Variants in DPYD observed in about 807,000 individuals in gnomAD.
The protein encoded by DPYD is dihydropyrimidine dehydrogenase, also known as dihydropyrimidine dehydrogenase [NADP(+)].
In DPYD, 109 loss-of-function variants were observed where a neutral mutation model predicts 116.2. The ratio of observed to expected loss-of-function variants is 0.94; its 90% CI spans 0.80 to 1.10. The LOEUF is 1.10. Ranked by LOEUF, DPYD falls within the 50% of genes least tolerant of loss-of-function variation. The pLI is 0.00. For missense variants in DPYD, 1,302 were observed against 1,254.5 expected, an observed-to-expected ratio of 1.04 and a Z score of -0.57; for synonymous variants, 440 against 432.0, an observed-to-expected ratio of 1.02 and a Z score of -0.23.
chr1:97,149,072 T>C (rs889945444), intron 20 of DPYD, among the ~76,000 whole-genome samples: 25 of 152,186 alleles, frequency 1.6e-4, no homozygotes, highest in Non-Finnish European at 3.2e-4. Flanking sequence ...TAACAGAAGA[T>C]GACAAAAATT....
chr1:97,116,950 A>G lies in DPYD; in HGVS notation c.2623-18318T>C, dbSNP rs536176280. 1.2e-4 allele frequency among the ~76,000 whole-genome samples: 18 copies of G among 149,970 alleles called. No individual in the cohort carries two copies. The Admixed American group carries it at 1.2e-3, about 10-fold the overall frequency. On this transcript the variant is annotated intron_variant, in intron 20 of 22. Coordinates refer to ENST00000370192, the MANE Select transcript of DPYD (RefSeq NM_000110.4). ...GATCACCTGAGGTCAGGAGTTCGAG[A>G]CCAGCCTAGCCAACATGGCGAAACC...
At chr1:97,898,569 T>C (rs1673198943) in intron 1 of DPYD, among the ~76,000 whole-genome samples, 1 of 152,018 alleles carries the variant, frequency 6.6e-6, no homozygotes, top group African/African-American at 2.4e-5. Context: ...TCATATATTT[T>C]GTTTCTTTTT....
chr1:97,638,890 A>G lies in DPYD; in HGVS notation c.850+40205T>C, dbSNP rs1657721477. ...TCCCATGATTCAAACACCTCCCACTAAGCCCCAACTCTAACAATGAGGACC... is the reference window on the plus strand; with the variant it reads ...TCCCATGATTCAAACACCTCCCACTGAGCCCCAACTCTAACAATGAGGACC... On this transcript the variant is annotated intron_variant, in intron 8 of 22. Transcript: ENST00000370192. Among the ~76,000 whole-genome samples, 3 of 152,270 alleles carry G rather than the reference A, an allele frequency of 2.0e-5. No homozygotes were observed. The South Asian group carries it at 6.2e-4, about 32-fold the overall frequency.
intron 8 of DPYD, among the ~76,000 whole-genome samples, chr1:97,632,923 G>A (rs1466571042): frequency 6.6e-6 from 1 of 152,024 alleles, no homozygotes; most frequent in African/African-American, 2.4e-5. Context: ...AGAGCCTAAA[G>A]ATAGAGCCAA....
At chr1:97,910,905 C>T (rs139027552) in intron 1 of DPYD, among the ~76,000 whole-genome samples, 2,869 of 151,878 alleles carry the variant, frequency 0.019, 33 homozygotes, top group Non-Finnish European at 0.029. Context: ...TATTTGTATT[C>T]TTATTTACAT....
intron 19 of DPYD, among the ~76,000 whole-genome samples, chr1:97,231,472 G>C (rs183940721): frequency 2.0e-5 from 3 of 152,118 alleles, no homozygotes; most frequent in African/African-American, 7.2e-5. Flanking sequence ...GCAAAGTCTC[G>C]TCTTACATGG....
chr1:97,185,279 G>A (rs1657920036), intron 20 of DPYD, among the ~76,000 whole-genome samples: 1 of 152,124 alleles, frequency 6.6e-6, no homozygotes, highest in Non-Finnish European at 1.5e-5. Context: ...AAATCACAAT[G>A]AGATATCAAC....
intron 13 of DPYD, among the ~76,000 whole-genome samples, chr1:97,458,024 C>G (rs1161192479): frequency 6.6e-6 from 1 of 152,098 alleles, no homozygotes; most frequent in Non-Finnish European, 1.5e-5. Context: ...TACACTCTGC[C>G]AAACGGTAAT....
At chr1:97,743,639 A>G (rs1057106730) in intron 3 of DPYD, among the ~76,000 whole-genome samples, 3 of 152,142 alleles carry the variant, frequency 2.0e-5, no homozygotes, top group Admixed American at 6.6e-5. Flanking sequence ...TGGTGTAAAT[A>G]AAATAGCAGA....
chr1:97,592,587 T>C (rs1427594845), intron 10 of DPYD, among the ~76,000 whole-genome samples: 2 of 152,184 alleles, frequency 1.3e-5, no homozygotes, highest in African/African-American at 4.8e-5. Flanking sequence ...CAGGATGGTC[T>C]TGATCTCCTG....
At chr1:97,441,841 A>G (rs530147766) in intron 14 of DPYD, among the ~76,000 whole-genome samples, 123 of 152,264 alleles carry the variant, frequency 8.1e-4, no homozygotes, top group African/African-American at 2.9e-3. Flanking sequence ...TTATATGGAA[A>G]CACGTTGATC....
chr1:97,781,151 A>T (rs191605257), intron 3 of DPYD, among the ~76,000 whole-genome samples: 1 of 152,342 alleles, frequency 6.6e-6, no homozygotes, highest in East Asian at 1.9e-4. Flanking sequence ...CTCCACCTGT[A>T]TCTTCATTAT....
intron 16 of DPYD, among the ~76,000 whole-genome samples, chr1:97,314,785 C>A (rs1667717210): frequency 6.6e-6 from 1 of 151,874 alleles, no homozygotes; most frequent in African/African-American, 2.4e-5. Flanking sequence ...ACAGGAAATC[C>A]ACGGCCTCAC....
At chr1:97,398,459 C>T (rs1570666984) in intron 14 of DPYD, among the ~76,000 whole-genome samples, 2 of 152,094 alleles carry the variant, frequency 1.3e-5, no homozygotes. Context: ...TGGGTATATA[C>T]TCAGTAATGG....
chr1:97,218,501 T>C (rs1322625104), intron 19 of DPYD, among the ~76,000 whole-genome samples: 1 of 151,482 alleles, frequency 6.6e-6, no homozygotes, highest in Non-Finnish European at 1.5e-5. Context: ...GCTGGAGTCA[T>C]TCCCGTCTAG....
intron 13 of DPYD, among the ~76,000 whole-genome samples, chr1:97,493,712 C>T (rs1285503681): frequency 6.6e-6 from 1 of 152,078 alleles, no homozygotes; most frequent in African/African-American, 2.4e-5. Context: ...AAAGCTGGTG[C>T]CCTAAAATAA....
rs552969841 is a variant in DPYD at position 97,918,470 on chromosome 1, T to C, written c.39+2414A>G. Among the ~76,000 whole-genome samples the C allele has an allele frequency of 9.2e-5, 14 of 152,346 alleles. No individual in the cohort carries two copies. The East Asian group carries it at 2.3e-3, about 25-fold the overall frequency. On this transcript the variant is annotated intron_variant, in intron 1 of 22. Transcript: ENST00000370192. ...CAATTCTGAGTAATGAGCTAGGTCC[T>C]ATTACCAAGTAACACATCCTTTCCT...
intron 8 of DPYD, among the ~76,000 whole-genome samples, chr1:97,631,861 T>C (rs1657280295): frequency 6.6e-6 from 1 of 151,910 alleles, no homozygotes; most frequent in Non-Finnish European, 1.5e-5. Context: ...AAAATAATAT[T>C]AGAGTATTTT....
chr1:97,244,583 G>GT (rs1309974951), intron 18 of DPYD, among the ~76,000 whole-genome samples: 4 of 151,964 alleles, frequency 2.6e-5, no homozygotes, highest in Admixed American at 2.6e-4. Context: ...GGTAGATGCC[G>GT]TATCATATGT....
Sources: allele counts gnomAD v4.1 joint callset (sites outside exome capture counted in the v4.1 genomes callset), GRCh38; gene constraint gnomAD v4.1.1; transcripts MANE v1.5; gene names NCBI Gene and HGNC (gene_info 2026-07-23, HGNC 2026-07-21).